The following ABCC1 variants were observed in gnomAD, a reference collection of about 807,000 sequenced individuals.
The protein encoded by ABCC1 is ATP binding cassette subfamily C member 1 (ABCC1 blood group), also known as multidrug resistance-associated protein 1.
In ABCC1, 83 loss-of-function variants were observed where a neutral mutation model predicts 172.9. The observed-to-expected ratio is 0.48, with a 90% confidence interval of 0.40 to 0.58. The LOEUF is 0.58. ABCC1 is among the 20% of genes least tolerant of loss of function. The pLI is 0.00. For missense variants in ABCC1, 1,817 were observed against 2,002.7 expected (o/e 0.91, Z 1.77); for synonymous variants, 937 against 825.2 (o/e 1.14, Z -2.32).
At position 15,961,846 on chromosome 16, in the gene ABCC1, C is replaced by T. The variant is rs76759330; in HGVS notation, c.48+12047C>T. On this transcript the variant is annotated intron_variant, in intron 1 of 30. Transcript: ENST00000399410. Reference sequence around the variant, plus strand: ...GCTGAGCCATGTATTCACCCATTCCCCTCTTGGTGTCTATCAAGGTCATTC... The same window carrying T: ...GCTGAGCCATGTATTCACCCATTCCTCTCTTGGTGTCTATCAAGGTCATTC... Among the ~76,000 whole-genome samples, 127 of 151,712 alleles carry T rather than the reference C, an allele frequency of 8.4e-4. 4 individuals carry two copies. The East Asian group carries it at 0.023, about 28-fold the overall frequency.
At position 16,122,342 on chromosome 16, in the gene ABCC1, G is replaced by T. The variant is rs45491893; in HGVS notation, c.3590+168G>T. ...GCGGAGGACAGATGAATCATTAAGA[G>T]CAGACAGCGGCACTGTAGACATGCA... On this transcript the variant is annotated intron_variant, in intron 24 of 30. Coordinates refer to ENST00000399410, the MANE Select transcript of ABCC1 (RefSeq NM_004996.4). Among the ~76,000 whole-genome samples the T allele has an allele frequency of 3.8e-3, 574 of 152,304 alleles. 10 individuals carry two copies. Among genetic ancestry groups the T allele is most frequent in the African/African-American group, 0.013 (558 of 41,564 alleles).
At chr16:15,950,792 G>T (rs2045853680) in intron 1 of ABCC1, among the ~76,000 whole-genome samples, 1 of 152,170 alleles carries the variant, frequency 6.6e-6, no homozygotes, top group African/African-American at 2.4e-5. Flanking sequence ...AGGAGAAACA[G>T]CCTTGGTTCT....
intron 21 of ABCC1, among the ~76,000 whole-genome samples, chr16:16,108,953 C>T (rs903440987): frequency 9.2e-5 from 14 of 151,930 alleles, no homozygotes; most frequent in African/African-American, 3.4e-4. Flanking sequence ...GAAAGAGGTT[C>T]CTGAACGCTG....
chr16:16,111,336 G>C, intron 21 of ABCC1, 39 bp from the exon 22 acceptor site: 1 of 1,583,438 alleles, frequency 6.3e-7, no homozygotes, highest in Middle Eastern at 1.7e-4. Context: ...GGCTGGGTGC[G>C]TGCATGTGCT....
chr16:16,101,714 A>G (rs2051759058), intron 19 of ABCC1, among the ~76,000 whole-genome samples: 1 of 152,170 alleles, frequency 6.6e-6, no homozygotes, highest in Non-Finnish European at 1.5e-5. Context: ...AGTCATCATC[A>G]TCACTGAGTT....
chr16:15,971,950 G>T (rs1186998734), intron 1 of ABCC1, among the ~76,000 whole-genome samples: 1 of 152,096 alleles, frequency 6.6e-6, no homozygotes, highest in East Asian at 1.9e-4. Context: ...GAGACAGAGG[G>T]TGGGGGGCTC....
chr16:15,954,568 AG>A (rs4148332), intron 1 of ABCC1, among the ~76,000 whole-genome samples: 122,171 of 151,812 alleles, frequency 0.8, 49,348 homozygotes, highest in Non-Finnish European at 0.83. Flanking sequence ...GAGTGGACTC[AG>A]GGGTTCCTGG....
chr16:16,016,547 C>G lies in ABCC1; in HGVS notation c.541C>G (p.Leu181Val), dbSNP rs751882235. 1 of 1,614,188 alleles carries G rather than the reference C, an allele frequency of 6.2e-7. No homozygotes were observed. Among genetic ancestry groups the G allele is most frequent in the South Asian group, 1.1e-5 (1 of 91,076 alleles). ...RDITFYVYFS[L>V]LLIQLVLSCF... is the part of the protein sequence containing the mutation. ...CATCACTTTCTACGTCTACTTTTCC[C>G]TCTTACTCATTCAGCTCGTCTTGTC... is the stretch of plus-strand genomic sequence containing the variant. Residue 181 changes from leucine (L) to valine (V), a missense_variant, in exon 5 of 31, where the codon CTC (leucine) becomes GTC (valine). Leu to Val is a conservative substitution (Grantham distance 32). This residue lies in a region of ABCC1 where 398 missense variants were observed against 384.2 expected (regional missense o/e 1.04). Coordinates refer to ENST00000399410, the MANE Select transcript of ABCC1 (RefSeq NM_004996.4).
At chr16:16,099,159 A>G (rs1331369814) in intron 19 of ABCC1, among the ~76,000 whole-genome samples, 2 of 152,172 alleles carry the variant, frequency 1.3e-5, no homozygotes, top group Admixed American at 6.5e-5. Flanking sequence ...CTACTGTTTC[A>G]TGCATCACGT....
In ABCC1 at chr16:16,036,499, C is replaced by G. The variant is rs543774061; in HGVS notation, c.705C>G (p.Pro235=). The G allele has an allele frequency of 1.7e-5, 27 of 1,613,914 alleles. No homozygotes were observed. In the Middle Eastern group the frequency reaches 6.6e-4, roughly 39 times the overall value. Reference sequence around the variant, plus strand: ...TGATTGTCCGGGGCTACCGCCAGCCCCTGGAGGGCAGTGACCTCTGGTCCT... The same window carrying G: ...TGATTGTCCGGGGCTACCGCCAGCCGCTGGAGGGCAGTGACCTCTGGTCCT... The part of the protein sequence containing the change: ...TGLIVRGYRQ[P]LEGSDLWSLN... Residue 235 remains proline (P), a synonymous_variant, in exon 7 of 31, where the codon CCC becomes CCG. Coordinates refer to ENST00000399410, the MANE Select transcript of ABCC1 (RefSeq NM_004996.4).
intron 17 of ABCC1, 25 bp downstream of exon 17, chr16:16,083,567 C>T (rs1467814864): frequency 6.3e-7 from 1 of 1,592,100 alleles, no homozygotes; most frequent in African/African-American, 1.3e-5. Context: ...GATGTTGGCC[C>T]CTGAATCAGT....
chr16:16,018,673 C>T (rs1291463670), intron 5 of ABCC1, among the ~76,000 whole-genome samples: 1 of 151,336 alleles, frequency 6.6e-6, no homozygotes, highest in Non-Finnish European at 1.5e-5. Flanking sequence ...GTATGTATTC[C>T]TGTGCATCTG....
chr16:16,056,323 C>G (rs747717026), intron 12 of ABCC1, 28 bp downstream of exon 12: 67 of 1,612,298 alleles, frequency 4.2e-5, no homozygotes, highest in Non-Finnish European at 5.2e-5. Flanking sequence ...TTTCCTGGCC[C>G]TCATTGTTTG....
intron 10 of ABCC1, among the ~76,000 whole-genome samples, chr16:16,051,365 G>A (rs770842297): frequency 3.5e-4 from 53 of 151,988 alleles, no homozygotes; most frequent in Admixed American, 9.2e-4. Flanking sequence ...AGAAATGGGG[G>A]TCTTGCTGTG....
Position 15,949,641 on chromosome 16 carries a change from G to T in ABCC1, c.-111G>T. On this transcript the variant is annotated 5_prime_UTR_variant, in exon 1 of 31. Transcript: ENST00000399410. ...GCCGCCGCCGCCGCCGCCAGCGCTA[G>T]CGCCAGCAGCCGGGCCCGATCACCC... is the stretch of plus-strand genomic sequence containing the variant. 4.4e-6 allele frequency: 1 copy of T among 227,816 alleles called. No individual in the cohort carries two copies. Among genetic ancestry groups the T allele is most frequent in the African/African-American group, 3.8e-5 (1 of 26,406 alleles). 14.1% of individuals were successfully genotyped at this position (227,816 alleles called of 1,614,324 possible).
At chr16:16,031,098 C>G (rs1171130730) in intron 5 of ABCC1, among the ~76,000 whole-genome samples, 1 of 152,226 alleles carries the variant, frequency 6.6e-6, no homozygotes, top group Admixed American at 6.5e-5. Flanking sequence ...ATCTGCCCGC[C>G]TTGGCCTCCC....
At chr16:16,019,980 G>A (rs1567319875) in intron 5 of ABCC1, among the ~76,000 whole-genome samples, 1 of 152,190 alleles carries the variant, frequency 6.6e-6, no homozygotes, top group Non-Finnish European at 1.5e-5. Flanking sequence ...CTGTAGTGCA[G>A]TGGCATGATC....
intron 22 of ABCC1, among the ~76,000 whole-genome samples, chr16:16,113,104 A>T (rs374236300): frequency 6.6e-6 from 1 of 152,178 alleles, no homozygotes. Context: ...GTGTCTCAGG[A>T]TCTCCAGGAG....
chr16:16,045,826 T>G lies in ABCC1; in HGVS notation c.1041-10T>G. On this transcript the variant is annotated splice_polypyrimidine_tract_variant and intron_variant, in intron 8 of 30. Transcript: ENST00000399410. The stretch of plus-strand genomic sequence containing the variant: ...AAGTCATTCCAGGCCCTCTCTTTGC[T>G]CCTTTGCAGGTTGCTCATCAAGTTC... The G allele has an allele frequency of 6.2e-7, 1 of 1,613,626 alleles. No individual in the cohort carries two copies. Among genetic ancestry groups the G allele is most frequent in the South Asian group, 1.1e-5 (1 of 90,972 alleles).
Sources: allele counts gnomAD v4.1 joint callset (sites outside exome capture counted in the v4.1 genomes callset), GRCh38; gene constraint gnomAD v4.1.1; regional missense constraint gnomAD v4.1.1; transcripts MANE v1.5; gene names NCBI Gene and HGNC (gene_info 2026-07-23, HGNC 2026-07-21).